Variants in NOL4 observed in about 807,000 individuals in gnomAD.
NOL4 encodes the protein cancer/testis antigen 125.
NOL4 carries 17 observed loss-of-function variants against 75.9 expected under a neutral mutation model. That is an observed-to-expected ratio of 0.22 (90% CI 0.15 to 0.34). NOL4 has a LOEUF of 0.34. NOL4 is among the 10% of genes least tolerant of loss of function. The pLI, the probability that NOL4 is intolerant of heterozygous loss-of-function variation, is 1.00. For missense variants in NOL4, 614 were observed against 793.5 expected (o/e 0.77, Z 2.72); for synonymous variants, 292 against 289.9 (o/e 1.01, Z -0.07).
intron 9 of NOL4, among the ~76,000 whole-genome samples, chr18:33,890,693 A>C (rs1008124908): frequency 6.6e-6 from 1 of 152,058 alleles, no homozygotes; most frequent in Non-Finnish European, 1.5e-5. Flanking sequence ...ACTTATGATG[A>C]ACTTTTATAT....
chr18:34,078,526 A>G (rs1390969941), intron 5 of NOL4, among the ~76,000 whole-genome samples: 1 of 152,222 alleles, frequency 6.6e-6, no homozygotes, highest in Non-Finnish European at 1.5e-5. Context: ...ACAAGTAACA[A>G]TACATTTCAT....
intron 6 of NOL4, among the ~76,000 whole-genome samples, chr18:33,961,578 T>C (rs889268326): frequency 5.6e-4 from 86 of 152,226 alleles, no homozygotes; most frequent in African/African-American, 2.0e-3. Flanking sequence ...CTTTATTCTA[T>C]ATATTATATA....
chr18:34,066,298 C>T lies in NOL4; in HGVS notation c.772+27167G>A, dbSNP rs543840759. Among the ~76,000 whole-genome samples, 33 of 152,092 alleles carry T rather than the reference C, an allele frequency of 2.2e-4. 1 individual carries two copies. In the South Asian group the frequency reaches 6.4e-3, roughly 30 times the overall value. On this transcript the variant is annotated intron_variant, in intron 5 of 10. Transcript: ENST00000261592. ...CATTCACTTGAGAATTATCAAACAA[C>T]TCTCAAGAGATGCTATCATTTTATT...
At chr18:34,019,247 T>C (rs2074889615) in intron 6 of NOL4, 71 bp downstream of exon 6, 1 of 1,241,934 alleles carries the variant, frequency 8.1e-7, no homozygotes, top group Non-Finnish European at 1.2e-6. Context: ...GTTTATCTGC[T>C]ATATGCATAG....
In NOL4 at chr18:34,135,556, G is replaced by A. The variant is rs184938107; in HGVS notation, c.265-5536C>T. ...ACTAAAAATACAAAAAATTAGCCAG[G>A]TGTGGCGGTGGGCGCCTGTAGTGCC... On this transcript the variant is annotated intron_variant, in intron 1 of 10. Transcript: ENST00000261592. 1.6e-4 allele frequency among the ~76,000 whole-genome samples: 25 copies of A among 151,906 alleles called. No homozygotes were observed. In the East Asian group the frequency reaches 4.5e-3, roughly 27 times the overall value.
At chr18:34,072,425 A>G (rs1010379428) in intron 5 of NOL4, among the ~76,000 whole-genome samples, 3 of 122,920 alleles carry the variant, frequency 2.4e-5, no homozygotes, top group African/African-American at 8.7e-5. Context: ...TGTGTATATT[A>G]TTAATAACAA....
Position 33,958,346 on chromosome 18 carries a change from A to C in NOL4, c.1129T>G (p.Ser377Ala). The change falls in exon 7 of 11, where the codon TCA becomes GCA. Residue 377 changes from serine (S) to alanine (A), a missense_variant. Ser to Ala is a moderately conservative substitution (Grantham distance 99, BLOSUM62 1). This residue lies in a region of NOL4 where 196 missense variants were observed against 167.9 expected (regional missense o/e 1.17). Transcript: ENST00000261592. ...ESVDRGAEDL[S>A]LNRGDEDEDD... ...TCGTCCTCATCTCCCCTGTTTAGTG[A>C]GAGGTCCTCAGCTCCTCGGTCTACA... The C allele has an allele frequency of 6.3e-7, 1 of 1,578,714 alleles. No homozygotes were observed. The highest frequency in any genetic ancestry group is 8.6e-7 in the Non-Finnish European group (1 of 1,161,152).
At chr18:34,104,488 C>T (rs561556522) in intron 3 of NOL4, among the ~76,000 whole-genome samples, 2 of 151,524 alleles carry the variant, frequency 1.3e-5, no homozygotes, top group Non-Finnish European at 3.0e-5. Context: ...TTTTGAATGC[C>T]GAAGGAAATC....
At chr18:34,096,301 T>C (rs1305056775) in intron 4 of NOL4, among the ~76,000 whole-genome samples, 3 of 152,106 alleles carry the variant, frequency 2.0e-5, no homozygotes, top group African/African-American at 7.2e-5. Context: ...ATATAATTCA[T>C]TTTCACAATT....
At chr18:34,020,293 CAA>C (rs2074963147) in intron 5 of NOL4, among the ~76,000 whole-genome samples, 3 of 151,786 alleles carry the variant, frequency 2.0e-5, no homozygotes, top group Admixed American at 1.3e-4. Flanking sequence ...GAAAAAAAAA[CAA>C]AGAGAATTAA....
At chr18:34,073,341 C>T (rs374645461) in intron 5 of NOL4, among the ~76,000 whole-genome samples, 44 of 151,962 alleles carry the variant, frequency 2.9e-4, no homozygotes, top group African/African-American at 9.6e-4. Context: ...AGGTGATAGT[C>T]GTCCTTTGGT....
intron 5 of NOL4, among the ~76,000 whole-genome samples, chr18:34,084,440 A>G (rs1600526204): frequency 1.3e-5 from 2 of 152,220 alleles, no homozygotes; most frequent in East Asian, 3.9e-4. Flanking sequence ...ATTTGGCAAG[A>G]ATAACTGAGT....
Position 33,866,453 on chromosome 18 carries a change from G to A in NOL4, c.1724-13418C>T, listed in dbSNP as rs1246954083. ...TCAGCATTTTGCTTTTTATCTAAGG[G>A]GGTTTTCTACACATTAATTTTAAAG... On this transcript the variant is annotated intron_variant, in intron 10 of 10. Coordinates refer to ENST00000261592, the MANE Select transcript of NOL4 (RefSeq NM_003787.5). 2.0e-5 allele frequency among the ~76,000 whole-genome samples: 3 copies of A among 151,954 alleles called. No individual in the cohort carries two copies. The East Asian group carries it at 5.8e-4, about 29-fold the overall frequency.
At chr18:33,884,378 T>C (rs1405244676) in intron 9 of NOL4, among the ~76,000 whole-genome samples, 1 of 152,084 alleles carries the variant, frequency 6.6e-6, no homozygotes, top group African/African-American at 2.4e-5. Context: ...TGTGAATACA[T>C]CCAAACCTTT....
At chr18:33,970,088 A>T (rs2070930043) in intron 6 of NOL4, among the ~76,000 whole-genome samples, 1 of 152,162 alleles carries the variant, frequency 6.6e-6, no homozygotes, top group African/African-American at 2.4e-5. Flanking sequence ...CGAGAGCCCA[A>T]GTGATGCAGC....
intron 1 of NOL4, chr18:34,221,637 A>G (rs1034384396): frequency 6.4e-6 from 1 of 157,258 alleles, no homozygotes; most frequent in Non-Finnish European, 1.4e-5. Flanking sequence ...CAGAACTTTT[A>G]TATGTGTTTC....
At position 34,046,291 on chromosome 18, in the gene NOL4, C is replaced by T. The variant is rs563733661; in HGVS notation, c.773-26690G>A. Among the ~76,000 whole-genome samples the T allele has an allele frequency of 1.3e-4, 19 of 151,988 alleles. No individual in the cohort carries two copies. In the South Asian group the frequency reaches 3.7e-3, roughly 30 times the overall value. On this transcript the variant is annotated intron_variant, in intron 5 of 10. Coordinates refer to ENST00000261592, the MANE Select transcript of NOL4 (RefSeq NM_003787.5). ...CCTAGATTCCTGAAGCATTGCCTTTCGAGAGAGAATCTGACGATGGAGGAT... is the reference window on the plus strand; with the variant it reads ...CCTAGATTCCTGAAGCATTGCCTTTTGAGAGAGAATCTGACGATGGAGGAT...
At chr18:33,976,453 A>G (rs2145928154) in intron 6 of NOL4, among the ~76,000 whole-genome samples, 1 of 152,324 alleles carries the variant, frequency 6.6e-6, no homozygotes, top group African/African-American at 2.4e-5. Context: ...CAAGTTACAA[A>G]CACAATTATT....
At chr18:33,955,143 A>G (rs1193862720) in intron 8 of NOL4, among the ~76,000 whole-genome samples, 1 of 152,128 alleles carries the variant, frequency 6.6e-6, no homozygotes, top group Non-Finnish European at 1.5e-5. Context: ...ATTAATAGCT[A>G]CATAGGTATT....
Sources: allele counts gnomAD v4.1 joint callset (sites outside exome capture counted in the v4.1 genomes callset), GRCh38; gene constraint gnomAD v4.1.1; regional missense constraint gnomAD v4.1.1; transcripts MANE v1.5; gene names NCBI Gene and HGNC (gene_info 2026-07-23, HGNC 2026-07-21).